The following SYS1 variants were observed in gnomAD, a reference collection of about 807,000 sequenced individuals.
SYS1 encodes protein SYS1 homolog.
A neutral mutation model predicts 17.8 loss-of-function variants in SYS1; 8 were observed. The ratio of observed to expected loss-of-function variants is 0.45; its 90% CI spans 0.26 to 0.81. SYS1 has a LOEUF of 0.81. Among genes scored for constraint, SYS1 ranks in the 40% least tolerant of loss-of-function variants. SYS1 has a pLI of 0.16. For missense variants in SYS1, 161 were observed against 203.9 expected (o/e 0.79, Z 1.28); for synonymous variants, 95 against 90.9 (o/e 1.05, Z -0.26).
At chr20:45,364,879 AAAG>A (rs919378227) in intron 2 of SYS1, among the ~76,000 whole-genome samples, 1 of 152,194 alleles carries the variant, frequency 6.6e-6, no homozygotes, top group African/African-American at 2.4e-5. Context: ...ATAAGAATTA[AAAG>A]AAGAAGAATG....
At chr20:45,365,708 A>G (rs537762148) in intron 3 of SYS1, 22 bp downstream of exon 3, 11 of 1,612,666 alleles carry the variant, frequency 6.8e-6, no homozygotes, top group South Asian at 1.1e-5. Context: ...CAGTTTTGCT[A>G]TCCAGCTTTT....
chr20:45,373,668 G>A (rs1460919210), downstream of SYS1: 3 of 559,380 alleles, frequency 5.4e-6, no homozygotes, highest in African/African-American at 1.9e-5. Context: ...AAGCACACGA[G>A]CGCCCTGACT....
At chr20:45,372,361 C>T (rs1988581528), downstream of SYS1, among the ~76,000 whole-genome samples, 2 of 152,250 alleles carry the variant, frequency 1.3e-5, no homozygotes, top group Admixed American at 6.5e-5. Context: ...CCAACTCCGG[C>T]TCTCTGGAGC....
At chr20:45,373,220 G>A (rs765806717), downstream of SYS1, 547 of 153,172 alleles carry the variant, frequency 3.6e-3, 3 homozygotes, top group Non-Finnish European at 2.7e-3. Context: ...CAGGGCTTGG[G>A]GTTGAGGTCT....
At chr20:45,375,577 A>T in exon 4 of SYS1, 4 of 1,590,318 alleles carry the variant, frequency 2.5e-6, no homozygotes, top group Non-Finnish European at 3.4e-6. Flanking sequence ...AAAGGCAGTC[A>T]GCACAGCAGG....
rs1395568885 is a variant in SYS1, at chr20:45,367,584, G to A, written c.*469G>A. ...ATCACAGCAGTTCTGTTGGAGAAAC[G>A]CTTGGTTTCCGGATCCAGAGCCACA... On this transcript the variant is annotated 3_prime_UTR_variant, in exon 4 of 4. Transcript: ENST00000243918. 2.0e-6 allele frequency: 2 copies of A among 988,294 alleles called. No individual in the cohort carries two copies. Among genetic ancestry groups the A allele is most frequent in the Admixed American group, 5.7e-5 (1 of 17,490 alleles). The allele number at this position is 988,294 out of a possible 1,614,324, so 61.2% of individuals were successfully genotyped here.
At chr20:45,363,482 G>A (rs199629465) in intron 1 of SYS1, 47 bp from the exon 2 acceptor site, 8 of 1,545,918 alleles carry the variant, frequency 5.2e-6, no homozygotes, top group Non-Finnish European at 7.0e-6. Flanking sequence ...GGGCGACGTT[G>A]CCATGGAGAC....
downstream of SYS1, chr20:45,373,994 C>T (rs772961364): frequency 3.1e-6 from 5 of 1,614,068 alleles, no homozygotes; most frequent in Non-Finnish European, 4.2e-6. Context: ...CTCTGGCTCT[C>T]GTCCAGGTCA....
At chr20:45,375,605 C>T (rs1455089773) in exon 4 of SYS1, 71 of 1,549,714 alleles carry the variant, frequency 4.6e-5, no homozygotes, top group Non-Finnish European at 5.4e-5. Context: ...CCCTGGTTCC[C>T]GAGACAGTTG....
Position 45,363,204 on chromosome 20 carries a change from C to G in SYS1, c.-115C>G. ...CGCCGTGGTCGCTGGAGCTTTGCCT[C>G]TCTAGGCCGGCAGCGCCTCTCCTCC... On this transcript the variant is annotated 5_prime_UTR_variant, in exon 1 of 4. Transcript: ENST00000243918. The G allele has an allele frequency of 9.2e-7, 1 of 1,087,630 alleles. No homozygotes were observed. The highest frequency in any genetic ancestry group is 3.2e-5 in the South Asian group (1 of 31,024). 67.4% of individuals were successfully genotyped at this position (1,087,630 alleles called of 1,614,324 possible). A position where few individuals can be genotyped will look rare whatever the true frequency, so the allele number is the denominator to read the frequency against.
At chr20:45,374,988 G>A (rs2145366804) in exon 4 of SYS1, 1 of 1,574,906 alleles carries the variant, frequency 6.3e-7, no homozygotes, top group African/African-American at 1.3e-5. Flanking sequence ...CTCTGGGCCT[G>A]GCTTGGGGCT....
In SYS1 at chr20:45,375,254, T is replaced by C. The variant is rs775559785; in HGVS notation, c.*960T>C. ...CTATTGCGGTAGGGCTTAATGAAGA[T>C]GACTCGGGGGCCCTCGGTGAGTGGT... On this transcript the variant is annotated 3_prime_UTR_variant, in exon 4 of 4. Coordinates refer to the SYS1 transcript ENST00000426004. 17 of 1,614,188 alleles carry C rather than the reference T, an allele frequency of 1.1e-5. No homozygotes were observed. Among genetic ancestry groups the C allele is most frequent in the Admixed American group, 6.7e-5 (4 of 60,034 alleles).
chr20:45,364,233 G>C (rs1988326038), intron 2 of SYS1, among the ~76,000 whole-genome samples: 2 of 152,198 alleles, frequency 1.3e-5, no homozygotes, highest in South Asian at 4.2e-4. Flanking sequence ...GAAAAGCAAG[G>C]GTTCAGTCTA....
At chr20:45,372,838 G>A (rs577033258), downstream of SYS1, 1 of 151,976 alleles carries the variant, frequency 6.6e-6, no homozygotes, top group East Asian at 1.9e-4. Flanking sequence ...AGCAGTCCCC[G>A]CGCTGTGGCT....
Position 45,368,957 on chromosome 20 carries a change from A to T in SYS1, c.*1842A>T, listed in dbSNP as rs1988500607. The stretch of plus-strand genomic sequence containing the variant: ...TTTCTGCATATCTTCTGTGATGACA[A>T]ATCTCTGTCCCCTGAGTGTTAATTT... On this transcript the variant is annotated 3_prime_UTR_variant, in exon 4 of 4. Coordinates refer to ENST00000243918, the MANE Select transcript of SYS1 (RefSeq NM_033542.4). 1 of 860,986 alleles carries T rather than the reference A, an allele frequency of 1.2e-6. No homozygotes were observed. Among genetic ancestry groups the T allele is most frequent in the Non-Finnish European group, 1.4e-6 (1 of 716,166 alleles). 53.3% of individuals were successfully genotyped at this position (860,986 alleles called of 1,614,324 possible). A position where few individuals can be genotyped will look rare whatever the true frequency, so the allele number is the denominator to read the frequency against.
downstream of SYS1, among the ~76,000 whole-genome samples, chr20:45,369,939 AAC>A (rs1988526572): frequency 6.9e-6 from 1 of 145,126 alleles, no homozygotes; most frequent in African/African-American, 2.6e-5. Context: ...TTTTTTTTGA[AAC>A]AGAGTTTCAC....
Position 45,363,329 on chromosome 20 carries a change from A to C in SYS1, c.-4+14A>C. On this transcript the variant is annotated intron_variant, in intron 1 of 3. Transcript: ENST00000243918. ...AGTCTGTCACTGGTGAGTAGACCCCAGAGGAGCTCGTGTACGGGCGGGGGC... is the reference window on the plus strand; with the variant it reads ...AGTCTGTCACTGGTGAGTAGACCCCCGAGGAGCTCGTGTACGGGCGGGGGC... The C allele has an allele frequency of 7.1e-7, 1 of 1,418,062 alleles. No individual in the cohort carries two copies. Among genetic ancestry groups the C allele is most frequent in the Non-Finnish European group, 9.2e-7 (1 of 1,087,958 alleles). The allele number at this position is 1,418,062 out of a possible 1,614,324, so 87.8% of individuals were successfully genotyped here. A position where few individuals can be genotyped will look rare whatever the true frequency, so the allele number is the denominator to read the frequency against.
chr20:45,374,552 G>A (rs546794259), exon 4 of SYS1: 211 of 511,444 alleles, frequency 4.1e-4, no homozygotes, highest in African/African-American at 2.9e-3. Context: ...GATTACAGGC[G>A]TGAGCCACCA....
downstream of SYS1, chr20:45,373,937 A>G: frequency 5.0e-6 from 8 of 1,613,060 alleles, no homozygotes; most frequent in Non-Finnish European, 6.8e-6. Flanking sequence ...TTCGCCACCC[A>G]TTCCTCCCCT....
Sources: allele counts gnomAD v4.1 joint callset (sites outside exome capture counted in the v4.1 genomes callset), GRCh38; gene constraint gnomAD v4.1.1; transcripts MANE v1.5; gene names NCBI Gene and HGNC (gene_info 2026-07-23, HGNC 2026-07-21).